ZMAT3: variants seen among roughly 807,000 people sequenced by gnomAD.
ZMAT3 encodes the protein zinc finger matrin-type protein 3.
In ZMAT3, 17 loss-of-function variants were observed where a neutral mutation model predicts 32.3. That is an observed-to-expected ratio of 0.53 (90% CI 0.36 to 0.79). The LOEUF is 0.79. Ranked by LOEUF, ZMAT3 falls within the 30% of genes least tolerant of loss-of-function variation. ZMAT3 has a pLI of 0.00. For missense variants in ZMAT3, 329 were observed against 359.7 expected, an observed-to-expected ratio of 0.91 and a Z score of 0.69; for synonymous variants, 120 against 133.1, an observed-to-expected ratio of 0.90 and a Z score of 0.68.
intron 2 of ZMAT3, among the ~76,000 whole-genome samples, chr3:179,032,907 TG>T (rs1227777220): frequency 4.6e-5 from 6 of 129,574 alleles, no homozygotes; most frequent in Non-Finnish European, 8.2e-5. Flanking sequence ...GTCTGGGAGG[TG>T]GGGGGGCGTC....
At chr3:179,057,531 G>A (rs569408074) in intron 2 of ZMAT3, among the ~76,000 whole-genome samples, 3 of 152,310 alleles carry the variant, frequency 2.0e-5, no homozygotes, top group Admixed American at 2.0e-4. Context: ...GGACACTCCT[G>A]TCCTTCGGTA....
intron 2 of ZMAT3, 27 bp from the exon 3 acceptor site, chr3:179,031,026 G>T (rs1719155275): frequency 6.2e-7 from 1 of 1,603,754 alleles, no homozygotes; most frequent in African/African-American, 1.3e-5. Context: ...AATGAGTACA[G>T]CAGTCCACCC....
chr3:179,031,209 A>G (rs889910877), intron 2 of ZMAT3, among the ~76,000 whole-genome samples: 2 of 151,932 alleles, frequency 1.3e-5, no homozygotes, highest in African/African-American at 4.8e-5. Context: ...CAATTTATAA[A>G]TTAAACTTTC....
chr3:179,071,935 G>C (rs1187671134), upstream of ZMAT3: 1 of 152,808 alleles, frequency 6.5e-6, no homozygotes, highest in African/African-American at 2.4e-5. Context: ...CCGCATCCCC[G>C]GCGGGCGGCG....
intron 2 of ZMAT3, among the ~76,000 whole-genome samples, chr3:179,051,878 C>T (rs555048546): frequency 6.6e-6 from 1 of 152,236 alleles, no homozygotes; most frequent in Non-Finnish European, 1.5e-5. Context: ...AAGCCAAATA[C>T]TTACGGTCAA....
rs932151896 is a variant in ZMAT3 at position 179,017,984 on chromosome 3, C to T, written c.*7033G>A. 1.6e-4 allele frequency: 25 copies of T among 152,062 alleles called. No individual in the cohort carries two copies. Among genetic ancestry groups the T allele is most frequent in the African/African-American group, 5.8e-4 (24 of 41,418 alleles). 9.4% of individuals were successfully genotyped at this position (152,062 alleles called of 1,614,324 possible). ...TGAACACCAAGTAACGCAGAGTTAA[C>T]GTGAAATTCTTACAAATGACACACG... On this transcript the variant is annotated 3_prime_UTR_variant, in exon 6 of 6. Transcript: ENST00000311417.
At chr3:179,057,920 A>G (rs1032953825) in intron 2 of ZMAT3, among the ~76,000 whole-genome samples, 2 of 152,240 alleles carry the variant, frequency 1.3e-5, no homozygotes, top group Non-Finnish European at 2.9e-5. Context: ...GTAGCTTTCT[A>G]GGACCTAACG....
chr3:179,062,685 G>A (rs554267773), intron 2 of ZMAT3, among the ~76,000 whole-genome samples: 3 of 152,204 alleles, frequency 2.0e-5, no homozygotes, highest in Non-Finnish European at 4.4e-5. Context: ...TGACAGACGA[G>A]TAGTATGGTT....
chr3:179,052,203 A>T (rs1344834532), intron 2 of ZMAT3, among the ~76,000 whole-genome samples: 4 of 152,232 alleles, frequency 2.6e-5, no homozygotes, highest in African/African-American at 9.6e-5. Context: ...AGCAGAGTAA[A>T]CAGACAACCC....
intron 2 of ZMAT3, among the ~76,000 whole-genome samples, chr3:179,045,062 T>C (rs948694813): frequency 1.3e-5 from 2 of 151,436 alleles, no homozygotes; most frequent in Admixed American, 6.6e-5. Context: ...TAAAATTAAA[T>C]AAAACCATGA....
intron 2 of ZMAT3, among the ~76,000 whole-genome samples, chr3:179,035,176 A>G (rs997436761): frequency 5.9e-5 from 9 of 152,194 alleles, no homozygotes; most frequent in African/African-American, 2.2e-4. Context: ...TAACTGACAA[A>G]TCTCACCTAT....
intron 2 of ZMAT3, among the ~76,000 whole-genome samples, chr3:179,033,324 A>C (rs1007548232): frequency 7.2e-5 from 11 of 152,094 alleles, no homozygotes. Flanking sequence ...CCCTAATCTC[A>C]AGTACCCAGA....
At chr3:179,055,060 G>A (rs1289700130) in intron 2 of ZMAT3, among the ~76,000 whole-genome samples, 3 of 152,112 alleles carry the variant, frequency 2.0e-5, no homozygotes, top group African/African-American at 4.8e-5. Flanking sequence ...GAAGTGGCCC[G>A]CCGCCATCTT....
chr3:179,037,713 A>T (rs1323469101), intron 2 of ZMAT3, among the ~76,000 whole-genome samples: 3 of 152,216 alleles, frequency 2.0e-5, no homozygotes, highest in Non-Finnish European at 4.4e-5. Context: ...CAAAAGCTGC[A>T]ACATTAGCAC....
intron 2 of ZMAT3, among the ~76,000 whole-genome samples, chr3:179,037,349 CT>C (rs1395569509): frequency 1.3e-5 from 2 of 152,228 alleles, no homozygotes; most frequent in African/African-American, 4.8e-5. Context: ...CCTTGGGACT[CT>C]GCCATTACTG....
At chr3:179,056,511 G>A (rs1025128187) in intron 2 of ZMAT3, among the ~76,000 whole-genome samples, 6 of 152,108 alleles carry the variant, frequency 3.9e-5, no homozygotes, top group East Asian at 3.9e-4. Flanking sequence ...TGCCCCTTAC[G>A]TCAAGGGAAT....
chr3:179,065,965 C>A (rs1283013960), intron 2 of ZMAT3, among the ~76,000 whole-genome samples: 1 of 152,026 alleles, frequency 6.6e-6, no homozygotes, highest in Non-Finnish European at 1.5e-5. Flanking sequence ...GTGGGTTTGC[C>A]CCCAAGTTAA....
chr3:179,058,713 G>A (rs1392122131), intron 2 of ZMAT3, among the ~76,000 whole-genome samples: 11 of 140,380 alleles, frequency 7.8e-5, no homozygotes, highest in African/African-American at 3.0e-4. Context: ...CCGAGATCCC[G>A]CCACTGCACT....
intron 2 of ZMAT3, among the ~76,000 whole-genome samples, chr3:179,062,492 G>T (rs536470436): frequency 6.6e-6 from 1 of 152,114 alleles, no homozygotes; most frequent in Non-Finnish European, 1.5e-5. Context: ...CTATCATTTC[G>T]AAATAAGAAG....
Sources: gnomAD v4.1 joint callset for allele counts (sites outside exome capture counted in the v4.1 genomes callset) on GRCh38, gnomAD v4.1.1 for gene constraint, MANE v1.5 for transcripts, NCBI Gene and HGNC (gene_info 2026-07-23, HGNC 2026-07-21) for gene names.